The following FTO variants were observed in gnomAD, a reference collection of about 807,000 sequenced individuals.
FTO encodes the protein alpha-ketoglutarate-dependent dioxygenase FTO.
A neutral mutation model predicts 63.9 loss-of-function variants in FTO; 47 were observed. The observed-to-expected ratio is 0.74, with a 90% CI of 0.58 to 0.94. The LOEUF (loss-of-function observed/expected upper bound fraction) is 0.94. FTO is among the 40% of genes least tolerant of loss of function. The pLI is 0.00. For missense variants in FTO, 562 were observed against 618.1 expected, an observed-to-expected ratio of 0.91 and a Z score of 0.96; for synonymous variants, 207 against 224.4, an observed-to-expected ratio of 0.92 and a Z score of 0.69.
chr16:54,039,169 C>G (rs546022371), intron 8 of FTO, among the ~76,000 whole-genome samples: 1 of 152,296 alleles, frequency 6.6e-6, no homozygotes, highest in East Asian at 1.9e-4. Flanking sequence ...TGTCAGATGT[C>G]TTCAAACCAT....
chr16:53,892,808 CT>C, intron 7 of FTO, among the ~76,000 whole-genome samples: 1 of 152,180 alleles, frequency 6.6e-6, no homozygotes, highest in South Asian at 2.1e-4. Context: ...TCTTTGTGCT[CT>C]TTTTTCACTT....
intron 8 of FTO, among the ~76,000 whole-genome samples, chr16:54,054,267 A>G (rs1314424979): frequency 6.6e-6 from 1 of 152,172 alleles, no homozygotes; most frequent in Admixed American, 6.5e-5. Context: ...TACACTAACC[A>G]TAAAATTGAG....
At chr16:53,990,655 T>TTTTTATTTTATTTTATTTTATTTTA (rs142836988) in intron 8 of FTO, among the ~76,000 whole-genome samples, 6,246 of 144,570 alleles carry the variant, frequency 0.043, 365 homozygotes, top group African/African-American at 0.12. Context: ...TTTCCTTTTC[T>TTTTTATTTTATTTTATTTTATTTTA]TTTTATTTTA....
chr16:53,846,179 T>A (rs1446091124), intron 4 of FTO, among the ~76,000 whole-genome samples: 1 of 152,122 alleles, frequency 6.6e-6, no homozygotes, highest in Non-Finnish European at 1.5e-5. Context: ...TTCAACCTGA[T>A]CCCAATATAC....
chr16:53,774,259 G>T (rs1362421756), intron 1 of FTO, among the ~76,000 whole-genome samples: 1 of 152,086 alleles, frequency 6.6e-6, no homozygotes, highest in Non-Finnish European at 1.5e-5. Context: ...ATTATAATAC[G>T]CACCCTTGTG....
chr16:53,815,701 T>G (rs2078662590), intron 2 of FTO, among the ~76,000 whole-genome samples: 1 of 142,794 alleles, frequency 7.0e-6, no homozygotes, highest in Admixed American at 7.5e-5. Flanking sequence ...CAGACTGGAA[T>G]GTAGTGGTGC....
chr16:54,075,775 A>C (rs1391082387), intron 8 of FTO, among the ~76,000 whole-genome samples: 1 of 152,214 alleles, frequency 6.6e-6, no homozygotes, highest in Admixed American at 6.5e-5. Flanking sequence ...TTTCGATGAA[A>C]TTAATCTGTT....
At chr16:53,866,839 ATTAG>A (rs1179838245) in intron 4 of FTO, among the ~76,000 whole-genome samples, 2 of 151,886 alleles carry the variant, frequency 1.3e-5, no homozygotes, top group Non-Finnish European at 2.9e-5. Flanking sequence ...AAGTTTCTTT[ATTAG>A]TTTTCTGTTT....
At chr16:54,065,745 G>C (rs576021041) in intron 8 of FTO, among the ~76,000 whole-genome samples, 2 of 152,310 alleles carry the variant, frequency 1.3e-5, no homozygotes, top group East Asian at 3.9e-4. Context: ...TCTGGGAATG[G>C]AAAAATTATT....
At chr16:53,890,272 T>C (rs893154758) in intron 7 of FTO, among the ~76,000 whole-genome samples, 4 of 152,204 alleles carry the variant, frequency 2.6e-5, no homozygotes, top group African/African-American at 9.7e-5. Flanking sequence ...TATTGGGGTA[T>C]GATTGCCCTA....
In FTO at chr16:53,935,102, C is replaced by G. The variant is rs183686744; in HGVS notation, c.1364+993C>G. Among the ~76,000 whole-genome samples the G allele has an allele frequency of 9.7e-4, 148 of 152,256 alleles. 2 individuals carry two copies. The highest frequency in any genetic ancestry group is 9.3e-3 in the South Asian group (45 of 4,830). On this transcript the variant is annotated intron_variant, in intron 8 of 8. Coordinates refer to ENST00000471389, the MANE Select transcript of FTO (RefSeq NM_001080432.3). ...TAGTTCTCGCAAATGTTAGGATTAT[C>G]TTTTAGATCTGTAGTTTGTAAAAAT...
At chr16:53,797,353 G>A (rs904463062) in intron 1 of FTO, among the ~76,000 whole-genome samples, 4 of 152,206 alleles carry the variant, frequency 2.6e-5, no homozygotes, top group Non-Finnish European at 4.4e-5. Flanking sequence ...CTGTGTTATA[G>A]TATCACACAA....
intron 8 of FTO, among the ~76,000 whole-genome samples, chr16:54,029,897 C>A (rs1425444049): frequency 6.6e-6 from 1 of 152,186 alleles, no homozygotes; most frequent in African/African-American, 2.4e-5. Flanking sequence ...TAGTCCATGA[C>A]TTCATTTGTG....
intron 4 of FTO, among the ~76,000 whole-genome samples, chr16:53,859,152 C>T (rs2080097487): frequency 6.6e-6 from 1 of 152,106 alleles, no homozygotes; most frequent in Non-Finnish European, 1.5e-5. Flanking sequence ...CCATTTTCCC[C>T]TTTGTATGTG....
intron 8 of FTO, among the ~76,000 whole-genome samples, chr16:54,092,123 T>C (rs755654025): frequency 2.0e-4 from 31 of 151,864 alleles, no homozygotes; most frequent in Non-Finnish European, 4.3e-4. Context: ...CAAAAAGTAA[T>C]AAAAAAACAA....
At chr16:54,096,845 G>T (rs2086526066) in intron 8 of FTO, among the ~76,000 whole-genome samples, 1 of 152,188 alleles carries the variant, frequency 6.6e-6, no homozygotes, top group Non-Finnish European at 1.5e-5. Flanking sequence ...CCGACCTTCA[G>T]ATACTGTCAC....
At chr16:53,742,622 G>T (rs1200174055) in intron 1 of FTO, among the ~76,000 whole-genome samples, 1 of 152,074 alleles carries the variant, frequency 6.6e-6, no homozygotes, top group Non-Finnish European at 1.5e-5. Context: ...GACAAAACAG[G>T]ATCCCTATGT....
intron 7 of FTO, among the ~76,000 whole-genome samples, chr16:53,904,678 C>T (rs2081492418): frequency 6.6e-6 from 1 of 152,144 alleles, no homozygotes; most frequent in Non-Finnish European, 1.5e-5. Flanking sequence ...GGGAGGGCTC[C>T]CCATCCCTGG....
chr16:53,923,818 G>GC (rs1167423462), intron 7 of FTO, among the ~76,000 whole-genome samples: 1 of 151,988 alleles, frequency 6.6e-6, no homozygotes, highest in Non-Finnish European at 1.5e-5. Flanking sequence ...TATGGGGCAG[G>GC]CCATCTTTTC....
Sources: gnomAD v4.1 joint callset for allele counts (sites outside exome capture counted in the v4.1 genomes callset) on GRCh38, gnomAD v4.1.1 for gene constraint, MANE v1.5 for transcripts, NCBI Gene and HGNC (gene_info 2026-07-23, HGNC 2026-07-21) for gene names.